MYEF2: variants seen among roughly 807,000 people sequenced by gnomAD.
The protein encoded by MYEF2 is myelin expression factor 2.
MYEF2 carries 37 observed loss-of-function variants against 75.2 expected under a neutral mutation model. The ratio of observed to expected loss-of-function variants is 0.49; its 90% CI spans 0.38 to 0.65. The LOEUF (loss-of-function observed/expected upper bound fraction) is 0.65. MYEF2 is among the 30% of genes least tolerant of loss of function. The pLI is 0.00. For missense variants in MYEF2, 634 were observed against 771.4 expected (o/e 0.82, Z 2.11); for synonymous variants, 195 against 241.6 (o/e 0.81, Z 1.79).
At position 48,149,091 on chromosome 15, in the gene MYEF2, G is replaced by A; in HGVS notation, c.1588-8C>T. 6.2e-7 allele frequency: 1 copy of A among 1,613,046 alleles called. No individual in the cohort carries two copies. The highest frequency in any genetic ancestry group is 8.5e-7 in the Non-Finnish European group (1 of 1,179,248). ...AGTCAAGTCAAAAGGTAGCTAGAAT[G>A]AAAAGAGGTATTAGTAACATATATA... On this transcript the variant is annotated splice_region_variant and splice_polypyrimidine_tract_variant and intron_variant, in intron 15 of 16. Transcript: ENST00000324324. The surrounding 1 kb of genome is among the most constrained non-coding windows in gnomAD (Gnocchi z 4.0).
chr15:48,157,656 A>T, intron 9 of MYEF2: 1 of 660,650 alleles, frequency 1.5e-6, no homozygotes, highest in Non-Finnish European at 1.9e-6. Flanking sequence ...TATACATAGC[A>T]GGCTAGAAGA....
chr15:48,137,844 CTT>C lies in MYEF2; in HGVS notation c.*5062_*5063del, dbSNP rs1423072217. On this transcript the variant is annotated 3_prime_UTR_variant, in exon 17 of 17. Coordinates refer to ENST00000324324, the MANE Select transcript of MYEF2 (RefSeq NM_016132.5). Reference sequence around the variant, plus strand: ...ACCATTGTTTAAAGCAATAGCAAAACTTTTAGGTAAATAGGTTCAGTAGGAAG... The same window carrying C: ...ACCATTGTTTAAAGCAATAGCAAAACTTAGGTAAATAGGTTCAGTAGGAAG... 1 of 152,010 alleles carries C rather than the reference CTT, an allele frequency of 6.6e-6. No homozygotes were observed. Among genetic ancestry groups the C allele is most frequent in the Non-Finnish European group, 1.5e-5 (1 of 67,962 alleles). The allele number at this position is 152,010 out of a possible 1,614,324, so 9.4% of individuals were successfully genotyped here. A position where few individuals can be genotyped will look rare whatever the true frequency, so the allele number is the denominator to read the frequency against.
chr15:48,170,224 C>G (rs953598895), intron 1 of MYEF2, among the ~76,000 whole-genome samples: 2 of 152,046 alleles, frequency 1.3e-5, no homozygotes, highest in African/African-American at 4.8e-5. Flanking sequence ...CTCCTGGGTT[C>G]AAGGAATTCT....
chr15:48,169,292 A>G (rs2040239777), intron 1 of MYEF2, among the ~76,000 whole-genome samples: 1 of 152,202 alleles, frequency 6.6e-6, no homozygotes, highest in African/African-American at 2.4e-5. Flanking sequence ...TTAAAGGTTA[A>G]TAGTTTCTTC....
chr15:48,148,814 T>C (rs2039384523), intron 16 of MYEF2, among the ~76,000 whole-genome samples: 1 of 152,046 alleles, frequency 6.6e-6, no homozygotes, highest in South Asian at 2.1e-4. Context: ...CCTTGTTACC[T>C]AAACCTTGTT....
At chr15:48,157,845 T>A in intron 9 of MYEF2, 148 bp downstream of exon 9, 11 of 1,405,062 alleles carry the variant, frequency 7.8e-6, no homozygotes, top group Non-Finnish European at 1.0e-5. Flanking sequence ...GTCTTCCTAA[T>A]CAATAGCGCC....
chr15:48,165,105 A>G (rs1054413669), intron 5 of MYEF2, among the ~76,000 whole-genome samples: 11 of 152,126 alleles, frequency 7.2e-5, no homozygotes, highest in Non-Finnish European at 1.5e-4. Context: ...AATCATTAGT[A>G]TACTATTAAA....
At position 48,137,223 on chromosome 15, in the gene MYEF2, A is replaced by C; in HGVS notation, c.*5685T>G. 5.2e-6 allele frequency: 2 copies of C among 383,454 alleles called. No homozygotes were observed. Among genetic ancestry groups the C allele is most frequent in the African/African-American group, 2.1e-5 (1 of 48,468 alleles). The allele number at this position is 383,454 out of a possible 1,614,324, so 23.8% of individuals were successfully genotyped here. ...TTCACAAATGGGACAGATTGCCAAA[A>C]TGTGGTGAGGACAGATAGGAGATTT... On this transcript the variant is annotated 3_prime_UTR_variant, in exon 17 of 17. Coordinates refer to ENST00000324324, the MANE Select transcript of MYEF2 (RefSeq NM_016132.5).
At position 48,159,807 on chromosome 15, in the gene MYEF2, A is replaced by G. The variant is rs764432425; in HGVS notation, c.526-3T>C. On this transcript the variant is annotated splice_polypyrimidine_tract_variant and splice_region_variant and intron_variant, in intron 5 of 16. Coordinates refer to ENST00000324324, the MANE Select transcript of MYEF2 (RefSeq NM_016132.5). Reference sequence around the variant, plus strand: ...CGAGCATTTTCTCCATCAGGATCCTATAACACACATTGAATGTTAAATTCC... The same window carrying G: ...CGAGCATTTTCTCCATCAGGATCCTGTAACACACATTGAATGTTAAATTCC... The G allele has an allele frequency of 9.3e-6, 15 of 1,606,444 alleles. No individual in the cohort carries two copies. Among genetic ancestry groups the G allele is most frequent in the South Asian group, 3.4e-5 (3 of 89,222 alleles).
In MYEF2 at chr15:48,153,816, C is replaced by T; in HGVS notation, c.1063G>A (p.Val355Ile). 1 of 1,613,380 alleles carries T rather than the reference C, an allele frequency of 6.2e-7. No individual in the cohort carries two copies. The highest frequency in any genetic ancestry group is 8.5e-7 in the Non-Finnish European group (1 of 1,179,534). The change falls in exon 10 of 17, where the codon GTA becomes ATA. Residue 355 changes from valine (V) to isoleucine (I), a missense_variant. By Grantham distance (29) the Val-to-Ile change is conservative. Coordinates refer to ENST00000324324, the MANE Select transcript of MYEF2 (RefSeq NM_016132.5). ...CCACCTGGACCTAAATTTCCCATTA[C>T]TCCACCTATGTTCAACTGGCTGGCA... Reference protein sequence around the residue: ...ISASQLNIGGVMGNLGPGGMG... With the variant: ...ISASQLNIGGIMGNLGPGGMG...
intron 3 of MYEF2, among the ~76,000 whole-genome samples, chr15:48,166,943 T>C (rs2040153967): frequency 6.6e-6 from 1 of 152,050 alleles, no homozygotes; most frequent in African/African-American, 2.4e-5. Flanking sequence ...CTACCAAATT[T>C]AACTTTTCAG....
chr15:48,158,348 T>G (rs1327845434), intron 7 of MYEF2, 124 bp from the exon 8 acceptor site: 2 of 821,538 alleles, frequency 2.4e-6, no homozygotes, highest in African/African-American at 1.7e-5. Context: ...TAATACTTAT[T>G]GATATTAGCC....
At chr15:48,168,296 T>C (rs1380369122) in intron 2 of MYEF2, among the ~76,000 whole-genome samples, 1 of 152,106 alleles carries the variant, frequency 6.6e-6, no homozygotes, top group East Asian at 1.9e-4. Context: ...TATTCATTCT[T>C]AACACGCTAA....
intron 9 of MYEF2, among the ~76,000 whole-genome samples, chr15:48,154,741 A>G (rs1337881282): frequency 3.9e-5 from 6 of 152,198 alleles, no homozygotes; most frequent in African/African-American, 7.2e-5. Flanking sequence ...AGCTTCTAAC[A>G]TATATGCTTC....
At chr15:48,168,585 C>A (rs192221695) in intron 2 of MYEF2, 46 bp downstream of exon 2, 2 of 1,481,824 alleles carry the variant, frequency 1.3e-6, no homozygotes, top group South Asian at 1.2e-5. Context: ...CCCTCCCCTG[C>A]CTATATGAAG....
At chr15:48,145,332 T>C (rs1403333651) in intron 16 of MYEF2, among the ~76,000 whole-genome samples, 1 of 151,534 alleles carries the variant, frequency 6.6e-6, no homozygotes, top group Non-Finnish European at 1.5e-5. Context: ...AGATAAATAA[T>C]TGAGGAGAAA....
In MYEF2 at chr15:48,149,402, G is replaced by T. The variant is rs113246921; in HGVS notation, c.1379-31C>A. On this transcript the variant is annotated intron_variant, in intron 14 of 16. Coordinates refer to ENST00000324324, the MANE Select transcript of MYEF2 (RefSeq NM_016132.5). This position sits in a 1 kb window ranked among gnomAD's most constrained non-coding sequence, Gnocchi z 4.0. ...TTTTCAAGAAAGGACGGGGGGATTT[G>T]GGAATTTTGTGTTTTTGTTTCAAAA... 4.0e-4 allele frequency: 634 copies of T among 1,601,520 alleles called. 4 individuals are homozygous for T. In the African/African-American group the frequency reaches 7.7e-3, roughly 19 times the overall value.
chr15:48,135,016 T>TA lies in MYEF2; in HGVS notation c.*7891dup, dbSNP rs746057610. ...TTGAAAATAATTCTTATGTAAAAAT[T>TA]AGAGATTTTATGAATTTCTGATGGT... On this transcript the variant is annotated 3_prime_UTR_variant, in exon 17 of 17. Coordinates refer to ENST00000324324, the MANE Select transcript of MYEF2 (RefSeq NM_016132.5). 6.6e-7 allele frequency: 1 copy of TA among 1,521,724 alleles called. No homozygotes were observed. Among genetic ancestry groups the TA allele is most frequent in the Non-Finnish European group, 9.0e-7 (1 of 1,109,674 alleles). 94.3% of individuals were successfully genotyped at this position (1,521,724 alleles called of 1,614,324 possible). A position where few individuals can be genotyped will look rare whatever the true frequency, so the allele number is the denominator to read the frequency against.
chr15:48,135,096 A>T lies in MYEF2; in HGVS notation c.*7812T>A. The T allele has an allele frequency of 1.4e-6, 1 of 736,664 alleles. No individual in the cohort carries two copies. The highest frequency in any genetic ancestry group is 2.3e-6 in the Non-Finnish European group (1 of 435,910). The allele number at this position is 736,664 out of a possible 1,614,324, so 45.6% of individuals were successfully genotyped here. A position where few individuals can be genotyped will look rare whatever the true frequency, so the allele number is the denominator to read the frequency against. On this transcript the variant is annotated 3_prime_UTR_variant, in exon 17 of 17. Coordinates refer to ENST00000324324, the MANE Select transcript of MYEF2 (RefSeq NM_016132.5). ...CAGTCACTTAATCTGCCACTTCTAT[A>T]CCATATTCCAACAGGTCTGTGAGTT...
Sources: allele counts gnomAD v4.1 joint callset (sites outside exome capture counted in the v4.1 genomes callset), GRCh38; gene constraint gnomAD v4.1.1; non-coding constraint Gnocchi (gnomAD v3.1); transcripts MANE v1.5; gene names NCBI Gene and HGNC (gene_info 2026-07-23, HGNC 2026-07-21).